The following SORT1 variants were observed in gnomAD, a reference collection of about 807,000 sequenced individuals.
SORT1 encodes sortilin 1.
Under a neutral mutation model 101.7 loss-of-function variants are expected in SORT1, and 39 were observed. The ratio of observed to expected loss-of-function variants is 0.38; its 90% CI spans 0.30 to 0.50. The LOEUF is 0.50. SORT1 is among the 20% of genes least tolerant of loss of function. The pLI is 0.90. For missense variants in SORT1, 878 were observed against 1,040.4 expected (o/e 0.84, Z 2.15); for synonymous variants, 396 against 393.7 (o/e 1.01, Z -0.07).
chr1:109,386,847 G>T (rs1291799890), intron 1 of SORT1, among the ~76,000 whole-genome samples: 4 of 151,920 alleles, frequency 2.6e-5, no homozygotes, highest in Admixed American at 6.6e-5. Flanking sequence ...TCAGTAGAGT[G>T]CAAAGCTAAC....
intron 1 of SORT1, among the ~76,000 whole-genome samples, chr1:109,391,101 T>C (rs1652893258): frequency 6.6e-6 from 1 of 152,162 alleles, no homozygotes; most frequent in Non-Finnish European, 1.5e-5. Context: ...GCTTTTGGAC[T>C]ATTCAAGCTA....
At chr1:109,378,762 A>G (rs1652037689) in intron 1 of SORT1, among the ~76,000 whole-genome samples, 2 of 91,260 alleles carry the variant, frequency 2.2e-5, no homozygotes, top group African/African-American at 4.3e-5. Context: ...ATATATATAT[A>G]AAGATGTTAT....
chr1:109,340,638 A>G (rs1376387923), intron 10 of SORT1, 86 bp downstream of exon 10: 2 of 1,383,226 alleles, frequency 1.4e-6, no homozygotes, highest in Admixed American at 3.6e-5. Flanking sequence ...GGCAAGCAAC[A>G]TTACTAGGGG....
intron 1 of SORT1, among the ~76,000 whole-genome samples, chr1:109,391,171 C>G (rs2100932159): frequency 6.6e-6 from 1 of 152,018 alleles, no homozygotes; most frequent in East Asian, 1.9e-4. Context: ...AAATATTACC[C>G]CCAAAATAAA....
chr1:109,363,777 T>C (rs1368201747), intron 3 of SORT1, among the ~76,000 whole-genome samples: 1 of 152,098 alleles, frequency 6.6e-6, no homozygotes, highest in South Asian at 2.1e-4. Context: ...AACAGAAAAA[T>C]CTTCAGAGTG....
chr1:109,323,191 C>A, intron 14 of SORT1, 70 bp from the exon 15 acceptor site: 1 of 1,080,366 alleles, frequency 9.3e-7, no homozygotes, highest in Non-Finnish European at 1.4e-6. Flanking sequence ...AGCTGCCAGG[C>A]TATAGGAAGA....
intron 11 of SORT1, among the ~76,000 whole-genome samples, chr1:109,335,751 G>C (rs1346125100): frequency 6.6e-6 from 1 of 152,018 alleles, no homozygotes; most frequent in Non-Finnish European, 1.5e-5. Flanking sequence ...CAAACTCTCT[G>C]CAACAGGGGC....
Position 109,313,066 on chromosome 1 carries a change from C to T in SORT1, c.*977G>A, listed in dbSNP as rs962422324. ...ATTGTCATGATTTAGCAACGAGCCA[C>T]ACGACAGTTAAGAAGGGAACATGGA... On this transcript the variant is annotated 3_prime_UTR_variant, in exon 20 of 20. Transcript: ENST00000256637. The T allele has an allele frequency of 6.6e-5, 10 of 152,286 alleles. No homozygotes were observed. Among genetic ancestry groups the T allele is most frequent in the African/African-American group, 2.4e-4 (10 of 41,548 alleles). 9.4% of individuals were successfully genotyped at this position (152,286 alleles called of 1,614,324 possible). A position where few individuals can be genotyped will look rare whatever the true frequency, so the allele number is the denominator to read the frequency against.
chr1:109,318,343 C>T (rs773727143), intron 15 of SORT1, among the ~76,000 whole-genome samples: 3 of 151,954 alleles, frequency 2.0e-5, no homozygotes, highest in Admixed American at 6.6e-5. Flanking sequence ...GTAGAGAGAG[C>T]GTTTCACCAT....
At position 109,313,914 on chromosome 1, in the gene SORT1, T is replaced by C; in HGVS notation, c.*129A>G. ...TCTTTAGTGTAGGTCCTTTTGGCTTTGATGGAAGCAGCAGAAACAGAGCTG... is the reference window on the plus strand; with the variant it reads ...TCTTTAGTGTAGGTCCTTTTGGCTTCGATGGAAGCAGCAGAAACAGAGCTG... On this transcript the variant is annotated 3_prime_UTR_variant, in exon 20 of 20. Transcript: ENST00000256637. The C allele has an allele frequency of 2.3e-6, 2 of 869,026 alleles. No homozygotes were observed. Among genetic ancestry groups the C allele is most frequent in the Non-Finnish European group, 3.6e-6 (2 of 555,594 alleles). The allele number at this position is 869,026 out of a possible 1,614,324, so 53.8% of individuals were successfully genotyped here. A position where few individuals can be genotyped will look rare whatever the true frequency, so the allele number is the denominator to read the frequency against.
At position 109,392,429 on chromosome 1, in the gene SORT1, C is replaced by A. The variant is rs1437526984; in HGVS notation, c.306+5158G>T. ...CTGATCAAAACAGCAGGATAGAAAG[C>A]CTATTATTGTTGTTAATAATCACAA... On this transcript the variant is annotated intron_variant, in intron 1 of 19. Coordinates refer to ENST00000256637, the MANE Select transcript of SORT1 (RefSeq NM_002959.7). Among the ~76,000 whole-genome samples the A allele has an allele frequency of 2.6e-5, 4 of 152,198 alleles. No homozygotes were observed. The East Asian group carries it at 7.7e-4, about 29-fold the overall frequency.
chr1:109,356,044 G>T (rs942154812), intron 3 of SORT1, among the ~76,000 whole-genome samples: 1 of 152,090 alleles, frequency 6.6e-6, no homozygotes, highest in Admixed American at 6.5e-5. Context: ...GCTAATTTTT[G>T]TATTTTAAGT....
intron 18 of SORT1, 111 bp downstream of exon 18, chr1:109,314,561 G>A: frequency 9.2e-7 from 1 of 1,083,762 alleles, no homozygotes; most frequent in South Asian, 1.5e-5. Context: ...TGATTTTTCA[G>A]GAACAGTACT....
rs1000348011 is a variant in SORT1, at chr1:109,313,908, T to C, written c.*135A>G. On this transcript the variant is annotated 3_prime_UTR_variant, in exon 20 of 20. Transcript: ENST00000256637. Reference sequence around the variant, plus strand: ...TGCATTTCTTTAGTGTAGGTCCTTTTGGCTTTGATGGAAGCAGCAGAAACA... The same window carrying C: ...TGCATTTCTTTAGTGTAGGTCCTTTCGGCTTTGATGGAAGCAGCAGAAACA... 2 of 800,110 alleles carry C rather than the reference T, an allele frequency of 2.5e-6. No homozygotes were observed. Among genetic ancestry groups the C allele is most frequent in the Admixed American group, 2.7e-5 (1 of 36,976 alleles). 49.6% of individuals were successfully genotyped at this position (800,110 alleles called of 1,614,324 possible).
chr1:109,372,832 G>A (rs1378769112), intron 1 of SORT1, among the ~76,000 whole-genome samples: 2 of 151,424 alleles, frequency 1.3e-5, no homozygotes, highest in Non-Finnish European at 1.5e-5. Context: ...CTGGGAGGCG[G>A]AGCTTGCAGT....
intron 3 of SORT1, among the ~76,000 whole-genome samples, chr1:109,355,997 G>T (rs544694062): frequency 4.6e-5 from 7 of 151,854 alleles, no homozygotes; most frequent in African/African-American, 1.7e-4. Flanking sequence ...TCAGCCTCCC[G>T]AGTAGCTGGA....
intron 13 of SORT1, among the ~76,000 whole-genome samples, chr1:109,326,048 A>T (rs1647992116): frequency 6.7e-6 from 1 of 149,672 alleles, no homozygotes; most frequent in Non-Finnish European, 1.5e-5. Context: ...ATAAGAACTT[A>T]TACTTCTTTT....
intron 1 of SORT1, among the ~76,000 whole-genome samples, chr1:109,384,292 C>T (rs1174711160): frequency 6.6e-6 from 1 of 152,080 alleles, no homozygotes; most frequent in Non-Finnish European, 1.5e-5. Flanking sequence ...ATTTGCAGAC[C>T]ATCACTCTAA....
chr1:109,341,989 G>A, intron 9 of SORT1, 25 bp downstream of exon 9: 1 of 1,605,740 alleles, frequency 6.2e-7, no homozygotes, highest in Non-Finnish European at 8.5e-7. Flanking sequence ...ATGCTTTTAA[G>A]GGTAAGCCAC....
Sources: gnomAD v4.1 joint callset for allele counts (sites outside exome capture counted in the v4.1 genomes callset) on GRCh38, gnomAD v4.1.1 for gene constraint, MANE v1.5 for transcripts, NCBI Gene and HGNC (gene_info 2026-07-23, HGNC 2026-07-21) for gene names.